SON: variants seen among roughly 807,000 people sequenced by gnomAD.
SON encodes protein SON.
A neutral mutation model predicts 173.3 loss-of-function variants in SON; 4 were observed. That is an observed-to-expected ratio of 0.02 (90% CI 0.01 to 0.05). The LOEUF (loss-of-function observed/expected upper bound fraction) is 0.05, where lower values mean the gene tolerates loss of function less well. SON is among the 10% of genes least tolerant of loss of function. The pLI is 1.00. For synonymous variants in SON, 1,190 were observed against 1,105.9 expected (o/e 1.08, Z -1.51); for missense variants, 2,626 against 3,055.3 (o/e 0.86, Z 3.31).
chr21:33,571,356 A>G (rs548763492), intron 8 of SON, among the ~76,000 whole-genome samples: 1 of 152,310 alleles, frequency 6.6e-6, no homozygotes, highest in Admixed American at 6.5e-5. Context: ...TTGTGTTTAG[A>G]AAACCTGTCA....
chr21:33,552,553 T>C lies in SON; in HGVS notation c.3322T>C (p.Ser1108Pro). 1 of 1,614,116 alleles carries C rather than the reference T, an allele frequency of 6.2e-7. No homozygotes were observed. The highest frequency in any genetic ancestry group is 8.5e-7 in the Non-Finnish European group (1 of 1,180,024). ...TGACCGGTCTATGATGTCATCGTACTCTGCAGCTGACCGATCTATGATGTC... is the reference window on the plus strand; with the variant it reads ...TGACCGGTCTATGATGTCATCGTACCCTGCAGCTGACCGATCTATGATGTC... ...AADRSMMSSY[S>P]AADRSMMSSY... The change falls in exon 3 of 12, where the codon TCT (serine) becomes CCT (proline). Residue 1108 changes from serine (S) to proline (P), a missense_variant. By Grantham distance (74) the Ser-to-Pro change is moderately conservative. Transcript: ENST00000356577. This position sits in a 1 kb window ranked among gnomAD's most constrained non-coding sequence, Gnocchi z 5.6.
chr21:33,552,800 C>G lies in SON; in HGVS notation c.3569C>G (p.Thr1190Arg), dbSNP rs1185173798. 4.3e-6 allele frequency: 7 copies of G among 1,613,874 alleles called. No homozygotes were observed. The South Asian group carries it at 4.4e-5, about 10-fold the overall frequency. ...TTGCCCACTGAGCAGTCAGCATTAA[C>G]AGCTGAAAATACTTGGCCTACAGAG... Reference protein sequence around the residue: ...PALPTEQSALTAENTWPTEVP... With the variant: ...PALPTEQSALRAENTWPTEVP... Residue 1190 changes from threonine to arginine, a missense_variant, in exon 3 of 12, where the codon ACA (threonine) becomes AGA (arginine). Coordinates refer to ENST00000356577, the MANE Select transcript of SON (RefSeq NM_138927.4). This position sits in a 1 kb window ranked among gnomAD's most constrained non-coding sequence, Gnocchi z 5.6.
chr21:33,572,530 C>G (rs1394315163), intron 8 of SON: 1 of 1,292,842 alleles, frequency 7.7e-7, no homozygotes, highest in African/African-American at 1.5e-5. Context: ...TTTCACCCCT[C>G]TGTATGGAAA....
In SON at chr21:33,554,676, G is replaced by A. The variant is rs1218319197; in HGVS notation, c.5445G>A (p.Glu1815=). ...KNKNRDKGEK[E]KKRDSSLRSR... is the part of the protein sequence containing the mutation. ...AGAACCGTGATAAGGGGGAGAAAGA[G>A]AAGAAAAGAGACTCTTCATTAAGAT... The change falls in exon 3 of 12, where the codon GAG becomes GAA. Residue 1815 remains glutamate, a synonymous_variant. Transcript: ENST00000356577. 5.0e-6 allele frequency: 8 copies of A among 1,613,888 alleles called. No homozygotes were observed. The Middle Eastern group carries it at 4.9e-4, about 100-fold the overall frequency.
rs71194851 is a variant in SON, at chr21:33,558,959, CTTTTTTTTTTTTT to C, written c.6322-260_6322-248del. Reference sequence around the variant, plus strand: ...TTGAGAGCAGGGACCATGTCTTCTACTTTTTTTTTTTTTTTTTTTTTTTGTATTCCCCAGACAG... The same window carrying C: ...TTGAGAGCAGGGACCATGTCTTCTACTTTTTTTTTTGTATTCCCCAGACAG... On this transcript the variant is annotated intron_variant, in intron 4 of 11. Coordinates refer to ENST00000356577, the MANE Select transcript of SON (RefSeq NM_138927.4). 8.2e-4 allele frequency: 97 copies of C among 118,826 alleles called. 2 individuals are homozygous for C. Among genetic ancestry groups the C allele is most frequent in the South Asian group, 1.9e-3 (7 of 3,698 alleles). The allele number at this position is 118,826 out of a possible 1,614,324, so 7.4% of individuals were successfully genotyped here.
At chr21:33,574,523 C>T (rs1488669757) in intron 9 of SON, among the ~76,000 whole-genome samples, 3 of 152,162 alleles carry the variant, frequency 2.0e-5, no homozygotes, top group Non-Finnish European at 4.4e-5. Context: ...TTTCCTGTAA[C>T]ATACAGGATG....
Position 33,559,861 on chromosome 21 carries a change from G to T in SON, c.6657+86G>T, listed in dbSNP as rs1216839496. 1 of 1,602,918 alleles carries T rather than the reference G, an allele frequency of 6.2e-7. No homozygotes were observed. Among genetic ancestry groups the T allele is most frequent in the African/African-American group, 1.3e-5 (1 of 74,562 alleles). ...TTATGTTATGTCTGATTTGGATTCT[G>T]TTTCACTCTTCTTAGGGCCGGGTTA... On this transcript the variant is annotated intron_variant, in intron 6 of 11. Coordinates refer to ENST00000356577, the MANE Select transcript of SON (RefSeq NM_138927.4). This position sits in a 1 kb window ranked among gnomAD's most constrained non-coding sequence, Gnocchi z 4.1.
intron 9 of SON, among the ~76,000 whole-genome samples, chr21:33,574,974 G>A (rs139609912): frequency 8.2e-4 from 125 of 152,256 alleles, no homozygotes; most frequent in Non-Finnish European, 2.2e-4. Flanking sequence ...ACCTTTTTTG[G>A]AAGAGTCTTA....
rs759491028 is a variant in SON, at chr21:33,554,495, C to G, written c.5264C>G (p.Pro1755Arg). ...AGCCTTAGAGCTGGCATTGAAGGAC[C>G]TTTACTTGCAAGTGATGTTGGACGT... ...LTSLRAGIEG[P>R]LLASDVGRDR... The change falls in exon 3 of 12, where the codon CCT becomes CGT. Residue 1755 changes from proline to arginine, a missense_variant. Pro to Arg is a moderately radical substitution (Grantham distance 103, BLOSUM62 -2). Transcript: ENST00000356577. The G allele has an allele frequency of 6.8e-6, 11 of 1,614,026 alleles. No homozygotes were observed. In the Admixed American group the frequency reaches 1.8e-4, roughly 27 times the overall value.
chr21:33,560,596 C>T lies in SON; in HGVS notation c.6657+821C>T, dbSNP rs931439424. On this transcript the variant is annotated intron_variant, in intron 6 of 11. Coordinates refer to ENST00000356577, the MANE Select transcript of SON (RefSeq NM_138927.4). ...TATATATGTAAATATATATATATATCTGTATCTTTGTATGTATCTCTGTAT... is the reference window on the plus strand; with the variant it reads ...TATATATGTAAATATATATATATATTTGTATCTTTGTATGTATCTCTGTAT... 4.4e-6 allele frequency: 4 copies of T among 904,372 alleles called. No homozygotes were observed. In the South Asian group the frequency reaches 1.5e-4, roughly 35 times the overall value. 56.0% of individuals were successfully genotyped at this position (904,372 alleles called of 1,614,324 possible). A position where few individuals can be genotyped will look rare whatever the true frequency, so the allele number is the denominator to read the frequency against.
chr21:33,560,877 TCTTC>T (rs2086058780), intron 6 of SON: 1 of 152,328 alleles, frequency 6.6e-6, no homozygotes, highest in Non-Finnish European at 1.5e-5. Flanking sequence ...ACACCTGTAC[TCTTC>T]ACTGTAGGTT....
intron 1 of SON, chr21:33,543,508 GCTC>G (rs778247274): frequency 1.4e-5 from 4 of 289,238 alleles, no homozygotes; most frequent in Non-Finnish European, 2.6e-5. Context: ...TCCTTCCTCA[GCTC>G]CTCCTCCGCC....
In SON at chr21:33,553,098, C is replaced by G; in HGVS notation, c.3867C>G (p.Pro1289=). 2 of 1,614,144 alleles carry G rather than the reference C, an allele frequency of 1.2e-6. No individual in the cohort carries two copies. The highest frequency in any genetic ancestry group is 1.7e-6 in the Non-Finnish European group (2 of 1,180,022). ...TGACTTGTATGGTATCTGAAACTCC[C>G]GCCATGTCAGCTGAACCAACTGTGT... ...RPVTCMVSET[P]AMSAEPTVLA... Residue 1289 remains proline, a synonymous_variant, in exon 3 of 12, where the codon CCC becomes CCG. Coordinates refer to ENST00000356577, the MANE Select transcript of SON (RefSeq NM_138927.4).
rs564121685 is a variant in SON at position 33,553,227 on chromosome 21, A to C, written c.3996A>C (p.Pro1332=). The C allele has an allele frequency of 6.2e-7, 1 of 1,614,068 alleles. No individual in the cohort carries two copies. Among genetic ancestry groups the C allele is most frequent in the African/African-American group, 1.3e-5 (1 of 74,944 alleles). The change falls in exon 3 of 12, where the codon CCA becomes CCC. Residue 1332 remains proline, a synonymous_variant. Coordinates refer to ENST00000356577, the MANE Select transcript of SON (RefSeq NM_138927.4). The part of the protein sequence containing the change: ...ASEVSTSLLV[P]AVTTPVLAES... The stretch of plus-strand genomic sequence containing the variant: ...AAGTATCTACATCCTTGTTGGTTCC[A>C]GCAGTAACTACTCCAGTGCTGGCAG...
intron 7 of SON, among the ~76,000 whole-genome samples, chr21:33,568,102 T>C (rs1477089337): frequency 6.6e-6 from 1 of 152,214 alleles, no homozygotes; most frequent in Non-Finnish European, 1.5e-5. Flanking sequence ...TTGCTGACAG[T>C]GCAAGGTGTT....
At position 33,573,208 on chromosome 21, in the gene SON, GAAGTA is replaced by G. The variant is rs762782055; in HGVS notation, c.6886-93_6886-89del. 2.6e-5 allele frequency: 25 copies of G among 947,644 alleles called. 1 individual carries two copies. The highest frequency in any genetic ancestry group is 1.8e-5 in the Non-Finnish European group (11 of 618,848). 58.7% of individuals were successfully genotyped at this position (947,644 alleles called of 1,614,324 possible). ...ACATTTAATTGCTATAACAGATCTA[GAAGTA>G]AAGTAAGATTCCTCTTTTTAGAAAG... On this transcript the variant is annotated intron_variant, in intron 8 of 11. Coordinates refer to ENST00000356577, the MANE Select transcript of SON (RefSeq NM_138927.4).
At chr21:33,568,517 G>A (rs1398315179) in intron 7 of SON, among the ~76,000 whole-genome samples, 1 of 152,162 alleles carries the variant, frequency 6.6e-6, no homozygotes, top group South Asian at 2.1e-4. Context: ...AGTCGTTTAT[G>A]TATTCAAGTG....
In SON at chr21:33,553,207, T is replaced by A; in HGVS notation, c.3976T>A (p.Ser1326Thr). The stretch of plus-strand genomic sequence containing the variant: ...CTCAGGACATGTTGCCTCAGAAGTA[T>A]CTACATCCTTGTTGGTTCCAGCAGT... The part of the protein sequence containing the change: ...RASGHVASEV[S>T]TSLLVPAVTT... The change falls in exon 3 of 12, where the codon TCT (serine) becomes ACT (threonine). Residue 1326 changes from serine (S) to threonine (T), a missense_variant. Physicochemically the swap from Ser to Thr is moderately conservative, Grantham distance 58. Transcript: ENST00000356577. The A allele has an allele frequency of 6.2e-7, 1 of 1,614,178 alleles. No homozygotes were observed. The highest frequency in any genetic ancestry group is 8.5e-7 in the Non-Finnish European group (1 of 1,180,042).
chr21:33,568,908 T>C, intron 7 of SON, 63 bp from the exon 8 acceptor site: 1 of 897,682 alleles, frequency 1.1e-6, no homozygotes, highest in East Asian at 2.5e-5. Flanking sequence ...TAGTGAATTA[T>C]TACCAGTGAT....
Sources: gnomAD v4.1 joint callset for allele counts (sites outside exome capture counted in the v4.1 genomes callset) on GRCh38, gnomAD v4.1.1 for gene constraint, Gnocchi (gnomAD v3.1) non-coding constraint, MANE v1.5 for transcripts, NCBI Gene and HGNC (gene_info 2026-07-23, HGNC 2026-07-21) for gene names.